The following FAM234A variants were observed in gnomAD, a reference collection of about 807,000 sequenced individuals.
FAM234A encodes the protein protein FAM234A.
In FAM234A, 42 loss-of-function variants were observed where a neutral mutation model predicts 49.1. The ratio of observed to expected loss-of-function variants is 0.86; its 90% CI spans 0.67 to 1.11. The LOEUF (loss-of-function observed/expected upper bound fraction) is 1.11, where lower values mean the gene tolerates loss of function less well. Among genes scored for constraint, FAM234A ranks in the 50% least tolerant of loss-of-function variants. FAM234A has a pLI of 0.00. For missense variants in FAM234A, 815 were observed against 745.2 expected (o/e 1.09, Z -1.09); for synonymous variants, 369 against 316.2 (o/e 1.17, Z -1.77).
At position 254,013 on chromosome 16, in the gene FAM234A, G is replaced by A. The variant is rs2051125852; in HGVS notation, c.-33-368G>A. 1.3e-5 allele frequency: 3 copies of A among 228,772 alleles called. No homozygotes were observed. The South Asian group carries it at 1.7e-4, about 13-fold the overall frequency. The allele number at this position is 228,772 out of a possible 1,614,324, so 14.2% of individuals were successfully genotyped here. On this transcript the variant is annotated intron_variant, in intron 2 of 12. Coordinates refer to ENST00000399932, the MANE Select transcript of FAM234A (RefSeq NM_032039.4). ...ACCTTTTCCATCTGTGCTTGAGGCTGGTGGAAGGTGGCTCAGATATGCTCA... is the reference window on the plus strand; with the variant it reads ...ACCTTTTCCATCTGTGCTTGAGGCTAGTGGAAGGTGGCTCAGATATGCTCA...
chr16:254,882 T>C (rs376411634), intron 3 of FAM234A, among the ~76,000 whole-genome samples: 1 of 152,136 alleles, frequency 6.6e-6, no homozygotes, highest in African/African-American at 2.4e-5. Context: ...TGAGATGGAG[T>C]TTCGCTCTTG....
chr16:269,443 G>A, downstream of FAM234A: 9 of 1,593,214 alleles, frequency 5.6e-6, no homozygotes, highest in Non-Finnish European at 6.9e-6. Flanking sequence ...CCACCTCACT[G>A]CAGGGCCCCA....
chr16:236,330 A>T (rs2050398195), intron 1 of FAM234A, among the ~76,000 whole-genome samples: 1 of 151,854 alleles, frequency 6.6e-6, no homozygotes, highest in African/African-American at 2.4e-5. Context: ...TATTTTTCTT[A>T]AAAATTTTTT....
chr16:250,710 G>A (rs1453508814), intron 2 of FAM234A, among the ~76,000 whole-genome samples: 1 of 152,050 alleles, frequency 6.6e-6, no homozygotes, highest in Non-Finnish European at 1.5e-5. Context: ...GCCCATAGCA[G>A]TCATTCCCGA....
At position 265,138 on chromosome 16, in the gene FAM234A, G is replaced by GTCGCC. The variant is rs2051648663; in HGVS notation, c.*117_*121dup. On this transcript the variant is annotated 3_prime_UTR_variant, in exon 13 of 13. Transcript: ENST00000399932. Reference sequence around the variant, plus strand: ...TCCCCCACTCCTGACCCTGGTGATGGTCGCCACTGGGCAGCAGCAGCCTTA... The same window carrying GTCGCC: ...TCCCCCACTCCTGACCCTGGTGATGGTCGCCTCGCCACTGGGCAGCAGCAGCCTTA... The GTCGCC allele has an allele frequency of 1.4e-6, 2 of 1,453,926 alleles. No individual in the cohort carries two copies. Among genetic ancestry groups the GTCGCC allele is most frequent in the South Asian group, 2.9e-5 (2 of 69,206 alleles). The allele number at this position is 1,453,926 out of a possible 1,614,324, so 90.1% of individuals were successfully genotyped here.
intron 1 of FAM234A, among the ~76,000 whole-genome samples, chr16:240,525 A>T (rs1354520596): frequency 6.7e-6 from 1 of 149,158 alleles, no homozygotes; most frequent in African/African-American, 2.5e-5. Flanking sequence ...TTTTTGAGAC[A>T]GAGTCTTGCT....
downstream of FAM234A, chr16:269,737 C>T: frequency 1.6e-6 from 1 of 608,622 alleles, no homozygotes; most frequent in South Asian, 2.1e-5. Flanking sequence ...CGGACCTGCC[C>T]AGACCAAGGC....
chr16:254,405 G>A lies in FAM234A; in HGVS notation c.-9G>A. 6.2e-7 allele frequency: 1 copy of A among 1,613,146 alleles called. No homozygotes were observed. The highest frequency in any genetic ancestry group is 8.5e-7 in the Non-Finnish European group (1 of 1,179,484). ...GTGACCAGGAGTTAAACTTTGGGAT[G>A]TGCCCGTGATGTTGGACCACAAGGA... is the stretch of plus-strand genomic sequence containing the variant. On this transcript the variant is annotated 5_prime_UTR_variant, in exon 3 of 13. It adds an upstream start codon to the 5' untranslated region. Transcript: ENST00000399932.
chr16:261,979 CTGGG>C, intron 6 of FAM234A, 110 bp from the exon 7 acceptor site: 1 of 878,254 alleles, frequency 1.1e-6, no homozygotes, highest in East Asian at 5.1e-5. Context: ...CCCTCTCTTC[CTGGG>C]CCTTGTGTCA....
chr16:237,555 C>T (rs765735290), intron 1 of FAM234A, among the ~76,000 whole-genome samples: 23 of 152,046 alleles, frequency 1.5e-4, no homozygotes, highest in Non-Finnish European at 2.5e-4. Context: ...GACTGGAAGC[C>T]TCAGTTCCCT....
intron 1 of FAM234A, among the ~76,000 whole-genome samples, chr16:238,658 C>T (rs943025130): frequency 2.0e-5 from 3 of 150,314 alleles, no homozygotes; most frequent in East Asian, 2.0e-4. Context: ...CCCAGCCACT[C>T]CGGAGGCTGA....
intron 2 of FAM234A, among the ~76,000 whole-genome samples, chr16:251,039 T>C (rs962065769): frequency 2.0e-5 from 3 of 151,998 alleles, no homozygotes; most frequent in Non-Finnish European, 4.4e-5. Flanking sequence ...TCACTGCAAC[T>C]TCCACCTCCC....
In FAM234A at chr16:240,116, C is replaced by T. The variant is rs183507581; in HGVS notation, c.-140+5259C>T. The T allele has an allele frequency of 1.7e-3, 261 of 152,024 alleles. 1 individual carries two copies. The highest frequency in any genetic ancestry group is 5.3e-4 in the Non-Finnish European group (36 of 67,984). 9.4% of individuals were successfully genotyped at this position (152,024 alleles called of 1,614,324 possible). ...TGTTGAATTGCTGTCAAATGCCCAGCGTGTTCTTGGTGGTGACACAGCCAC... is the reference window on the plus strand; with the variant it reads ...TGTTGAATTGCTGTCAAATGCCCAGTGTGTTCTTGGTGGTGACACAGCCAC... On this transcript the variant is annotated intron_variant, in intron 1 of 12. Transcript: ENST00000399932.
At chr16:237,329 G>A (rs1188197887) in intron 1 of FAM234A, among the ~76,000 whole-genome samples, 4 of 152,118 alleles carry the variant, frequency 2.6e-5, no homozygotes, top group Admixed American at 1.3e-4. Context: ...CAGTTTCTGT[G>A]GGTCAGGAAT....
intron 2 of FAM234A, among the ~76,000 whole-genome samples, chr16:252,481 C>T (rs1045607100): frequency 6.6e-6 from 1 of 152,084 alleles, no homozygotes; most frequent in Non-Finnish European, 1.5e-5. Flanking sequence ...CGTGCCCGGC[C>T]GGAAAGTCTG....
At chr16:254,117 C>G (rs1275695627) in intron 2 of FAM234A, 2 of 405,946 alleles carry the variant, frequency 4.9e-6, no homozygotes, top group South Asian at 2.5e-5. Context: ...GCAGGAAGCA[C>G]CAGCGTGTTC....
chr16:261,199 C>G (rs1255478831), intron 5 of FAM234A, 185 bp from the exon 6 acceptor site: 2 of 625,812 alleles, frequency 3.2e-6, no homozygotes, highest in Non-Finnish European at 5.5e-6. Flanking sequence ...CCGCGTGCTG[C>G]TCCTTCACGA....
At chr16:244,587 TA>T (rs1470724363) in intron 1 of FAM234A, among the ~76,000 whole-genome samples, 1 of 152,164 alleles carries the variant, frequency 6.6e-6, no homozygotes, top group African/African-American at 2.4e-5. Context: ...TTTTCTATTT[TA>T]TACTTTTTAT....
intron 3 of FAM234A, among the ~76,000 whole-genome samples, chr16:258,829 G>T (rs2051342795): frequency 6.6e-6 from 1 of 152,206 alleles, no homozygotes; most frequent in Non-Finnish European, 1.5e-5. Flanking sequence ...TGTCGGCCAG[G>T]CTGGAGTGCA....
Sources: gnomAD v4.1 joint callset for allele counts (sites outside exome capture counted in the v4.1 genomes callset) on GRCh38, gnomAD v4.1.1 for gene constraint, MANE v1.5 for transcripts, NCBI Gene and HGNC (gene_info 2026-07-23, HGNC 2026-07-21) for gene names.